The following MAP3K15 variants were observed in gnomAD, a reference collection of about 807,000 sequenced individuals.
MAP3K15 encodes the protein mitogen-activated protein kinase kinase kinase 15, also known as MAPK/ERK kinase kinase 15.
A neutral mutation model predicts 99.5 loss-of-function variants in MAP3K15; 124 were observed. The observed-to-expected ratio is 1.25, with a 90% CI of 1.08 to 1.45. MAP3K15 has a LOEUF of 1.45. Ranked by LOEUF, MAP3K15 falls within the 40% of genes most tolerant of loss-of-function variation. MAP3K15 has a pLI of 0.00. For synonymous variants in MAP3K15, 494 were observed against 439.6 expected, an observed-to-expected ratio of 1.12 and a Z score of -1.55; for missense variants, 1,242 against 1,079.7, an observed-to-expected ratio of 1.15 and a Z score of -2.11.
intron 6 of MAP3K15, among the ~76,000 whole-genome samples, chrX:19,446,137 G>T (rs2147335057): frequency 9.0e-6 from 1 of 111,270 alleles, no homozygotes; most frequent in South Asian, 3.7e-4. Context: ...ATCTTTTATT[G>T]TTTAAGGAAA....
chrX:19,387,049 G>A (rs1020452988), intron 18 of MAP3K15, among the ~76,000 whole-genome samples: 4 of 112,034 alleles, frequency 3.6e-5, no homozygotes, highest in Middle Eastern at 4.6e-3. Context: ...AGTAAGGTAC[G>A]ATTTTCCCAT....
rs755282207 is a variant in MAP3K15 at position 19,460,067 on chromosome X, C to T, written c.806G>A (p.Arg269Gln). 4.0e-5 allele frequency: 48 copies of T among 1,192,332 alleles called. No homozygotes were observed. The highest frequency in any genetic ancestry group is 4.6e-4 in the Middle Eastern group (2 of 4,329). ...QGEELAKELA[R>Q]IKLRMDNTEV... is the part of the protein sequence containing the mutation. ...AGTATTATCCATGCGGAGCTTGATC[C>T]GAGCTAGCTCCTTCGCCAGTTCCTC... The change falls in exon 5 of 29, where the codon CGG (arginine) becomes CAG (glutamine). Residue 269 changes from arginine to glutamine, a missense_variant. Coordinates refer to ENST00000338883, the MANE Select transcript of MAP3K15 (RefSeq NM_001001671.4).
intron 20 of MAP3K15, among the ~76,000 whole-genome samples, chrX:19,374,233 C>T (rs5955763): frequency 0.048 from 5,335 of 111,472 alleles, 147 homozygotes; most frequent in South Asian, 0.13. Context: ...TTCCAGCAGA[C>T]GGCAGCCCAG....
At chrX:19,365,315 CAGAG>C (rs1220552817) in intron 25 of MAP3K15, among the ~76,000 whole-genome samples, 2 of 112,050 alleles carry the variant, frequency 1.8e-5, no homozygotes, top group Non-Finnish European at 3.8e-5. Context: ...GAATGCTACT[CAGAG>C]AGGCCAAGAA....
chrX:19,477,287 A>G (rs138681579), intron 3 of MAP3K15, among the ~76,000 whole-genome samples: 1,742 of 111,766 alleles, frequency 0.016, 13 homozygotes, highest in Non-Finnish European at 0.025. Flanking sequence ...GAGTACTCCA[A>G]TTGAAGAGAA....
At chrX:19,427,190 C>G (rs1351679893) in intron 7 of MAP3K15, among the ~76,000 whole-genome samples, 1 of 109,108 alleles carries the variant, frequency 9.2e-6, no homozygotes, top group Non-Finnish European at 1.9e-5. Context: ...CTCTGTCACC[C>G]AGGCTGGAGT....
At chrX:19,385,239 G>A (rs1322340177) in intron 18 of MAP3K15, among the ~76,000 whole-genome samples, 2 of 111,682 alleles carry the variant, frequency 1.8e-5, no homozygotes, top group African/African-American at 3.3e-5. Context: ...AGGCTGGACT[G>A]GGGCTGGAGG....
chrX:19,391,282 A>G, intron 18 of MAP3K15, among the ~76,000 whole-genome samples: 1 of 112,190 alleles, frequency 8.9e-6, no homozygotes, highest in Non-Finnish European at 1.9e-5. Context: ...TGTCTGAGGA[A>G]TACTGTTATT....
intron 6 of MAP3K15, among the ~76,000 whole-genome samples, chrX:19,438,417 A>T (rs1404513995): frequency 8.9e-6 from 1 of 112,177 alleles, no homozygotes; most frequent in African/African-American, 3.2e-5. Flanking sequence ...ACTTATGTAA[A>T]AAATGCACAG....
chrX:19,451,655 A>T (rs114745502), intron 6 of MAP3K15, among the ~76,000 whole-genome samples: 1,286 of 99,975 alleles, frequency 0.013, 27 homozygotes, highest in African/African-American at 0.047. Context: ...GGCAGCTAAT[A>T]AAAAAAAAAA....
At position 19,360,131 on chromosome X, in the gene MAP3K15, A is replaced by G. The variant is rs1229165470; in HGVS notation, c.*618T>C. 2 of 152,896 alleles carry G rather than the reference A, an allele frequency of 1.3e-5. No individual in the cohort carries two copies. The highest frequency in any genetic ancestry group is 2.5e-5 in the Non-Finnish European group (2 of 79,033). The allele number at this position is 152,896 out of a possible 1,213,427, so 12.6% of individuals were successfully genotyped here. A position where few individuals can be genotyped will look rare whatever the true frequency, so the allele number is the denominator to read the frequency against. Reference sequence around the variant, plus strand: ...AAATAAGACTTTTGTAATCATTCCAATTTTGTAATCATTTCAAAGGCCACA... The same window carrying G: ...AAATAAGACTTTTGTAATCATTCCAGTTTTGTAATCATTTCAAAGGCCACA... On this transcript the variant is annotated 3_prime_UTR_variant, in exon 29 of 29. Coordinates refer to ENST00000338883, the MANE Select transcript of MAP3K15 (RefSeq NM_001001671.4).
rs139257634 is a variant in MAP3K15 at position 19,364,622 on chromosome X, C to T, written c.3567-1772G>A. Among the ~76,000 whole-genome samples, 691 of 111,238 alleles carry T rather than the reference C, an allele frequency of 6.2e-3. 3 individuals carry two copies. Among genetic ancestry groups the T allele is most frequent in the African/African-American group, 0.021 (649 of 30,517 alleles). On this transcript the variant is annotated intron_variant, in intron 25 of 28. Coordinates refer to ENST00000338883, the MANE Select transcript of MAP3K15 (RefSeq NM_001001671.4). ...AATTGGTTATAAAGAAATTCTTGGC[C>T]GGGTGCGGCAGCTCAAGCCTGTAAT...
chrX:19,490,577 A>C (rs778132043), intron 1 of MAP3K15, among the ~76,000 whole-genome samples: 6 of 109,735 alleles, frequency 5.5e-5, no homozygotes, highest in African/African-American at 2.0e-4. Flanking sequence ...GCGAAACCCC[A>C]TCTCTATAAA....
Position 19,392,096 on chromosome X carries a change from A to C in MAP3K15, c.2337T>G (p.Val779=), listed in dbSNP as rs1184775298. 6.6e-6 allele frequency: 8 copies of C among 1,205,608 alleles called. No individual in the cohort carries two copies. The highest frequency in any genetic ancestry group is 4.4e-5 in the Admixed American group (2 of 45,647). ...CCACTCCGCTGTAGGTGTTCACCAG[A>C]ACATTATCGCCCTTCGGAAAATAAC... The part of the protein sequence containing the change: ...IVHRDIKGDN[V]LVNTYSGVVK... The change falls in exon 18 of 29, where the codon GTT becomes GTG. Residue 779 remains valine (V), a synonymous_variant. Coordinates refer to ENST00000338883, the MANE Select transcript of MAP3K15 (RefSeq NM_001001671.4).
At chrX:19,417,401 C>T (rs946485385) in intron 9 of MAP3K15, among the ~76,000 whole-genome samples, 11 of 112,135 alleles carry the variant, frequency 9.8e-5, no homozygotes, top group Non-Finnish European at 1.3e-4. Flanking sequence ...GATTATATCC[C>T]GCGCCTGGCT....
intron 16 of MAP3K15, 45 bp from the exon 17 acceptor site, chrX:19,392,518 C>G: frequency 8.5e-7 from 1 of 1,175,542 alleles, no homozygotes; most frequent in Non-Finnish European, 1.1e-6. Flanking sequence ...GAGAAAGTTT[C>G]AATAAAAGTT....
chrX:19,490,639 T>C (rs1251047593), intron 1 of MAP3K15, among the ~76,000 whole-genome samples: 1 of 109,476 alleles, frequency 9.1e-6, no homozygotes, highest in Admixed American at 9.9e-5. Context: ...GTCCCAGTTA[T>C]TCAGGAGGCT....
chrX:19,384,328 C>A (rs924469845), intron 18 of MAP3K15, among the ~76,000 whole-genome samples: 5 of 109,376 alleles, frequency 4.6e-5, no homozygotes, highest in African/African-American at 1.7e-4. Flanking sequence ...AGGATGGTTA[C>A]CAGAGGCTGG....
rs780323624 is a variant in MAP3K15, at chrX:19,414,879, A to AG, written c.1590+227dup. 1.3e-3 allele frequency among the ~76,000 whole-genome samples: 151 copies of AG among 111,992 alleles called. 1 individual carries two copies. Among genetic ancestry groups the AG allele is most frequent in the Non-Finnish European group, 8.1e-4 (43 of 53,221 alleles). On this transcript the variant is annotated intron_variant, in intron 10 of 28. Coordinates refer to ENST00000338883, the MANE Select transcript of MAP3K15 (RefSeq NM_001001671.4). ...CTCCGGACATTACCAGATGTACCTT[A>AG]GGGGGACAAAGTTGCTTCCAATTGA... is the stretch of plus-strand genomic sequence containing the variant.
Sources: gnomAD v4.1 joint callset for allele counts (sites outside exome capture counted in the v4.1 genomes callset) on GRCh38, gnomAD v4.1.1 for gene constraint, MANE v1.5 for transcripts, NCBI Gene and HGNC (gene_info 2026-07-23, HGNC 2026-07-21) for gene names.